The following IMMP2L variants were observed in gnomAD, a reference collection of about 807,000 sequenced individuals.
The protein encoded by IMMP2L is mitochondrial inner membrane protease subunit 2.
In IMMP2L, 18 loss-of-function variants were observed where a neutral mutation model predicts 19.3. The observed-to-expected ratio is 0.93, with a 90% confidence interval of 0.64 to 1.38. The LOEUF is 1.38. IMMP2L is among the 40% of genes most tolerant of loss of function. IMMP2L has a pLI of 0.00. For missense variants in IMMP2L, 233 were observed against 218.2 expected (o/e 1.07, Z -0.43); for synonymous variants, 76 against 73.0 (o/e 1.04, Z -0.21).
chr7:111,225,675 A>C (rs1398099151), intron 3 of IMMP2L, among the ~76,000 whole-genome samples: 1 of 147,270 alleles, frequency 6.8e-6, no homozygotes, highest in Non-Finnish European at 1.5e-5. Context: ...TTCCAGTCAA[A>C]ATGGTGAGAT....
intron 3 of IMMP2L, among the ~76,000 whole-genome samples, chr7:111,118,429 C>A (rs1252158683): frequency 6.6e-6 from 1 of 152,006 alleles, no homozygotes; most frequent in East Asian, 1.9e-4. Context: ...TAAGTGTCCA[C>A]AGGAATTGGA....
intron 3 of IMMP2L, among the ~76,000 whole-genome samples, chr7:111,333,413 G>T (rs528029082): frequency 5.9e-5 from 9 of 151,970 alleles, no homozygotes; most frequent in South Asian, 4.2e-4. Flanking sequence ...CTGGTTGTAC[G>T]AAGGATAGTT....
intron 3 of IMMP2L, among the ~76,000 whole-genome samples, chr7:111,119,764 A>T (rs186585297): frequency 4.6e-5 from 7 of 152,222 alleles, no homozygotes; most frequent in Non-Finnish European, 7.4e-5. Flanking sequence ...AATGCCCAGA[A>T]GATAGGATGC....
At chr7:111,383,447 A>C (rs1314047776) in intron 3 of IMMP2L, among the ~76,000 whole-genome samples, 1 of 152,110 alleles carries the variant, frequency 6.6e-6, no homozygotes, top group African/African-American at 2.4e-5. Flanking sequence ...ACTCTGCTTC[A>C]GTGTCTCCAC....
intron 3 of IMMP2L, among the ~76,000 whole-genome samples, chr7:111,438,010 A>G (rs757593540): frequency 1.3e-5 from 2 of 151,838 alleles, no homozygotes; most frequent in African/African-American, 2.4e-5. Flanking sequence ...GTTCCTCAAC[A>G]TTTTCAATTC....
chr7:110,686,414 C>T (rs1339733587), intron 5 of IMMP2L, among the ~76,000 whole-genome samples: 4 of 151,888 alleles, frequency 2.6e-5, no homozygotes, highest in African/African-American at 9.7e-5. Context: ...TGCCAATAAC[C>T]CTCAAATTCG....
At chr7:111,256,212 A>G (rs1359127877) in intron 3 of IMMP2L, among the ~76,000 whole-genome samples, 1 of 152,072 alleles carries the variant, frequency 6.6e-6, no homozygotes, top group Non-Finnish European at 1.5e-5. Context: ...AGGTTTATTC[A>G]TACAAAAACA....
intron 3 of IMMP2L, among the ~76,000 whole-genome samples, chr7:111,118,592 C>A (rs1440233043): frequency 6.6e-6 from 1 of 151,978 alleles, no homozygotes; most frequent in African/African-American, 2.4e-5. Context: ...CCTCACCAAC[C>A]TATCTCACAA....
chr7:111,368,268 C>G (rs1458698861), intron 3 of IMMP2L, among the ~76,000 whole-genome samples: 1 of 151,896 alleles, frequency 6.6e-6, no homozygotes, highest in African/African-American at 2.4e-5. Context: ...GGAATTTTCT[C>G]TACTATGCAG....
chr7:111,175,417 G>A (rs1390318821), intron 3 of IMMP2L, among the ~76,000 whole-genome samples: 1 of 151,790 alleles, frequency 6.6e-6, no homozygotes, highest in Non-Finnish European at 1.5e-5. Flanking sequence ...ATGGGGGGTA[G>A]GAGAGATATA....
chr7:111,243,201 G>T (rs1815355940), intron 3 of IMMP2L, among the ~76,000 whole-genome samples: 1 of 151,932 alleles, frequency 6.6e-6, no homozygotes, highest in Non-Finnish European at 1.5e-5. Flanking sequence ...TCATTCCCAA[G>T]ATACATATTC....
chr7:110,698,468 A>G (rs1296820483), intron 5 of IMMP2L, among the ~76,000 whole-genome samples: 1 of 152,176 alleles, frequency 6.6e-6, no homozygotes, highest in Non-Finnish European at 1.5e-5. Context: ...CAGAATTGTA[A>G]AAGGACAGGT....
chr7:110,696,023 C>T (rs1793851303), intron 5 of IMMP2L, among the ~76,000 whole-genome samples: 1 of 152,154 alleles, frequency 6.6e-6, no homozygotes, highest in African/African-American at 2.4e-5. Context: ...GAAAGAGAAA[C>T]CACTTTTCAA....
At chr7:111,399,142 A>G (rs1215885940) in intron 3 of IMMP2L, among the ~76,000 whole-genome samples, 1 of 152,130 alleles carries the variant, frequency 6.6e-6, no homozygotes, top group African/African-American at 2.4e-5. Context: ...TCTAAAATTC[A>G]TATGGAACCA....
chr7:110,763,169 GA>G (rs1297190804), intron 5 of IMMP2L, among the ~76,000 whole-genome samples: 24 of 152,278 alleles, frequency 1.6e-4, no homozygotes, highest in Middle Eastern at 6.8e-3. Context: ...GAAATCTTGA[GA>G]GGTTACTGAG....
intron 5 of IMMP2L, among the ~76,000 whole-genome samples, chr7:110,698,963 T>A (rs1020332252): frequency 1.3e-5 from 2 of 152,196 alleles, no homozygotes; most frequent in Non-Finnish European, 2.9e-5. Context: ...TTTTTATAGA[T>A]TTCCAATGAA....
At chr7:111,429,552 T>A (rs1355284054) in intron 3 of IMMP2L, among the ~76,000 whole-genome samples, 5 of 147,764 alleles carry the variant, frequency 3.4e-5, no homozygotes, top group African/African-American at 5.0e-5. Flanking sequence ...AAGTTAGCTT[T>A]AAAAAAAAAA....
chr7:110,842,677 T>C (rs758785443), intron 5 of IMMP2L, among the ~76,000 whole-genome samples: 8 of 152,192 alleles, frequency 5.3e-5, no homozygotes, highest in Non-Finnish European at 1.0e-4. Flanking sequence ...TATTACCTGC[T>C]ATGCTGAGAA....
At chr7:110,986,996 C>T (rs538093200) in intron 3 of IMMP2L, among the ~76,000 whole-genome samples, 11 of 151,820 alleles carry the variant, frequency 7.2e-5, no homozygotes, top group South Asian at 2.1e-4. Flanking sequence ...TAACTCTCAC[C>T]GAAATAGTAA....
Sources: gnomAD v4.1 joint callset for allele counts (sites outside exome capture counted in the v4.1 genomes callset) on GRCh38, gnomAD v4.1.1 for gene constraint, MANE v1.5 for transcripts, NCBI Gene and HGNC (gene_info 2026-07-23, HGNC 2026-07-21) for gene names.